Variants in ARHGAP15 observed in about 807,000 individuals in gnomAD.
The protein encoded by ARHGAP15 is rho GTPase-activating protein 15.
ARHGAP15 carries 51 observed loss-of-function variants against 63.7 expected under a neutral mutation model. That is an observed-to-expected ratio of 0.80 (90% CI 0.64 to 1.01). ARHGAP15 has a LOEUF of 1.01. ARHGAP15 is among the 50% of genes least tolerant of loss of function. ARHGAP15 has a pLI of 0.00. For synonymous variants in ARHGAP15, 191 were observed against 193.8 expected, an observed-to-expected ratio of 0.99 and a Z score of 0.12; for missense variants, 560 against 564.6, an observed-to-expected ratio of 0.99 and a Z score of 0.08.
chr2:143,489,504 A>T (rs946357811), intron 9 of ARHGAP15, among the ~76,000 whole-genome samples: 4 of 152,080 alleles, frequency 2.6e-5, no homozygotes, highest in Non-Finnish European at 2.9e-5. Flanking sequence ...TTTCAGTTTT[A>T]GCTATGAACT....
At chr2:143,436,868 T>C in intron 7 of ARHGAP15, 45 bp from the exon 8 acceptor site, 24 of 1,582,382 alleles carry the variant, frequency 1.5e-5, no homozygotes, top group Non-Finnish European at 2.1e-5. Context: ...GGTGAATCCT[T>C]TCTTTCTAGT....
chr2:143,382,281 T>G (rs1404903695), intron 6 of ARHGAP15, among the ~76,000 whole-genome samples: 4 of 152,152 alleles, frequency 2.6e-5, no homozygotes, highest in Non-Finnish European at 5.9e-5. Context: ...TTTTGGAGGC[T>G]AGACATCTGA....
At chr2:143,638,768 A>C (rs990529940) in intron 12 of ARHGAP15, among the ~76,000 whole-genome samples, 6 of 151,714 alleles carry the variant, frequency 4.0e-5, no homozygotes, top group African/African-American at 1.5e-4. Context: ...ACATTTAGAA[A>C]GAATTTGAAT....
intron 13 of ARHGAP15, among the ~76,000 whole-genome samples, chr2:143,763,579 AAATAAATTGCATATATATATCTT>A (rs1254891745): frequency 6.7e-6 from 1 of 150,240 alleles, no homozygotes; most frequent in Non-Finnish European, 1.5e-5. Flanking sequence ...GATATTTGGA[AAATAAATTGCATATATATATCTT>A]AATAAATTGC....
chr2:143,745,561 A>C (rs1199395932), intron 13 of ARHGAP15, among the ~76,000 whole-genome samples: 1 of 152,198 alleles, frequency 6.6e-6, no homozygotes, highest in Non-Finnish European at 1.5e-5. Flanking sequence ...CATCACTTTG[A>C]TAAATAAATG....
intron 10 of ARHGAP15, among the ~76,000 whole-genome samples, chr2:143,535,541 A>C (rs1288671218): frequency 6.6e-6 from 1 of 152,252 alleles, no homozygotes; most frequent in Non-Finnish European, 1.5e-5. Flanking sequence ...TTATCTTCCC[A>C]GATTTTCTGA....
At position 143,703,520 on chromosome 2, in the gene ARHGAP15, A is replaced by G; in HGVS notation, c.1240A>G (p.Thr414Ala). The change falls in exon 13 of 14, where the codon ACT becomes GCT. Residue 414 changes from threonine to alanine, a missense_variant. Physicochemically the swap from Thr to Ala is moderately conservative, Grantham distance 58. Coordinates refer to ENST00000295095, the MANE Select transcript of ARHGAP15 (RefSeq NM_018460.4). ...CATGAAAGTCCTCTTTGGACATCTA[A>G]CTAAGTAAGTTGTAAGGATTTCTGG... ...DTMKVLFGHL[T>A]KIVAKASKNL... 1 of 1,603,914 alleles carries G rather than the reference A, an allele frequency of 6.2e-7. No individual in the cohort carries two copies. Among genetic ancestry groups the G allele is most frequent in the Non-Finnish European group, 8.5e-7 (1 of 1,175,396 alleles).
intron 11 of ARHGAP15, 99 bp from the exon 12 acceptor site, chr2:143,624,034 C>T (rs550700725): frequency 5.8e-5 from 82 of 1,423,578 alleles, no homozygotes; most frequent in Admixed American, 4.1e-4. Context: ...AGGCTGTTAA[C>T]GGTTGCTGAT....
intron 12 of ARHGAP15, among the ~76,000 whole-genome samples, chr2:143,695,386 T>A (rs1164841693): frequency 6.6e-6 from 1 of 152,070 alleles, no homozygotes; most frequent in Non-Finnish European, 1.5e-5. Flanking sequence ...GACAATAGGA[T>A]CATGCTTTTC....
chr2:143,764,589 G>A (rs1356208022), intron 13 of ARHGAP15, among the ~76,000 whole-genome samples: 1 of 152,094 alleles, frequency 6.6e-6, no homozygotes, highest in East Asian at 1.9e-4. Context: ...CCCTTTGAGA[G>A]CTGAGTTATC....
At chr2:143,174,206 C>A (rs968573377) in intron 2 of ARHGAP15, among the ~76,000 whole-genome samples, 1 of 152,076 alleles carries the variant, frequency 6.6e-6, no homozygotes, top group African/African-American at 2.4e-5. Context: ...CCTACAGTTA[C>A]AATTATTAAA....
chr2:143,546,502 A>G, intron 10 of ARHGAP15, among the ~76,000 whole-genome samples: 1 of 152,076 alleles, frequency 6.6e-6, no homozygotes, highest in Non-Finnish European at 1.5e-5. Flanking sequence ...ACTCCTCCTG[A>G]GACTCCAAGC....
At chr2:143,619,771 C>G (rs942323827) in intron 11 of ARHGAP15, among the ~76,000 whole-genome samples, 9 of 152,262 alleles carry the variant, frequency 5.9e-5, no homozygotes, top group South Asian at 4.1e-4. Context: ...ATAGCACTTT[C>G]CTCTTCACTC....
intron 5 of ARHGAP15, among the ~76,000 whole-genome samples, chr2:143,234,840 C>T (rs892822287): frequency 2.0e-5 from 3 of 152,280 alleles, no homozygotes; most frequent in African/African-American, 7.2e-5. Flanking sequence ...TGATATTCAG[C>T]TTCCCTCACT....
intron 9 of ARHGAP15, among the ~76,000 whole-genome samples, chr2:143,516,352 A>T (rs1355829182): frequency 6.6e-6 from 1 of 152,112 alleles, no homozygotes; most frequent in Non-Finnish European, 1.5e-5. Flanking sequence ...AAACAAAACA[A>T]TTTCTCCAAA....
intron 6 of ARHGAP15, among the ~76,000 whole-genome samples, chr2:143,372,275 C>T (rs1440407270): frequency 1.4e-5 from 2 of 147,280 alleles, no homozygotes; most frequent in African/African-American, 2.5e-5. Context: ...CTGAGGAGGT[C>T]GAGGCTGCAG....
chr2:143,148,283 A>G (rs995053631), intron 1 of ARHGAP15, among the ~76,000 whole-genome samples: 5 of 152,008 alleles, frequency 3.3e-5, no homozygotes, highest in Admixed American at 6.6e-5. Flanking sequence ...CACTCTAATC[A>G]GACTTCATGG....
intron 11 of ARHGAP15, among the ~76,000 whole-genome samples, chr2:143,618,559 G>A (rs565958819): frequency 6.6e-6 from 1 of 152,136 alleles, no homozygotes; most frequent in African/African-American, 2.4e-5. Context: ...TTTTAAAATT[G>A]CAACAATAAA....
At chr2:143,354,124 T>C (rs977484228) in intron 6 of ARHGAP15, among the ~76,000 whole-genome samples, 1 of 152,144 alleles carries the variant, frequency 6.6e-6, no homozygotes, top group African/African-American at 2.4e-5. Context: ...ATTCATAGTT[T>C]AGAATGAGAA....
Sources: allele counts gnomAD v4.1 joint callset (sites outside exome capture counted in the v4.1 genomes callset), GRCh38; gene constraint gnomAD v4.1.1; transcripts MANE v1.5; gene names NCBI Gene and HGNC (gene_info 2026-07-23, HGNC 2026-07-21).